The following TBC1D4 variants were observed in gnomAD, a reference collection of about 807,000 sequenced individuals.
The protein encoded by TBC1D4 is TBC (Tre-2, BUB2, CDC16) domain-containing protein.
Under a neutral mutation model 142.5 loss-of-function variants are expected in TBC1D4, and 121 were observed. The observed-to-expected ratio is 0.85, with a 90% CI of 0.73 to 0.99. TBC1D4 has a LOEUF of 0.99. TBC1D4 is among the 50% of genes least tolerant of loss of function. The pLI is 0.00. For missense variants in TBC1D4, 1,475 were observed against 1,606.6 expected (o/e 0.92, Z 1.40); for synonymous variants, 630 against 628.2 (o/e 1.00, Z -0.04).
intron 1 of TBC1D4, among the ~76,000 whole-genome samples, chr13:75,380,748 G>A (rs1240935024): frequency 6.6e-6 from 1 of 152,104 alleles, no homozygotes; most frequent in Non-Finnish European, 1.5e-5. Context: ...TCCTGACAAA[G>A]CTAGCCTAAT....
chr13:75,404,059 T>TATATACACACACACACACAC (rs781087838), intron 1 of TBC1D4, among the ~76,000 whole-genome samples: 20 of 73,650 alleles, frequency 2.7e-4, no homozygotes, highest in African/African-American at 1.5e-3. Flanking sequence ...GGGATATATA[T>TATATACACACACACACACAC]ACATACACAC....
Position 75,299,539 on chromosome 13 carries a change from G to A in TBC1D4, c.2947C>T (p.Gln983Ter). Residue 983 changes from glutamine to a stop codon, truncating the protein, a stop_gained, in exon 17 of 21, where the codon CAG (glutamine) becomes TAG (stop). Coordinates refer to ENST00000377636, the MANE Select transcript of TBC1D4 (RefSeq NM_014832.5). LOFTEE classifies it high-confidence loss of function. ...AGTGACAGCTGTCCTGGCCCAAGCT[G>A]TACTGAAAAGTAAGGGTGAGTAGGA... is the stretch of plus-strand genomic sequence containing the variant. ...TFPTHPYFSV[Q>*]LGPGQLSLFN... The A allele has an allele frequency of 1.2e-6, 2 of 1,614,174 alleles. No individual in the cohort carries two copies. The highest frequency in any genetic ancestry group is 1.7e-6 in the Non-Finnish European group (2 of 1,180,018).
rs193168325 is a variant in TBC1D4 at position 75,346,322 on chromosome 13, G to A, written c.1408+2848C>T. Among the ~76,000 whole-genome samples, 642 of 144,322 alleles carry A rather than the reference G, an allele frequency of 4.4e-3. 6 individuals carry two copies. Among genetic ancestry groups the A allele is most frequent in the African/African-American group, 0.015 (610 of 39,692 alleles). 94.7% of individuals were successfully genotyped at this position (144,322 alleles called of 152,430 possible). ...GACCCCCACCCCTTGACAGGCCCCCGGCATGTGATGTTCCCCTCCCTGTGT... is the reference window on the plus strand; with the variant it reads ...GACCCCCACCCCTTGACAGGCCCCCAGCATGTGATGTTCCCCTCCCTGTGT... On this transcript the variant is annotated intron_variant, in intron 5 of 20. Transcript: ENST00000377636.
intron 17 of TBC1D4, among the ~76,000 whole-genome samples, chr13:75,295,723 T>A (rs1163845168): frequency 6.6e-6 from 1 of 152,216 alleles, no homozygotes; most frequent in African/African-American, 2.4e-5. Context: ...CAGAAACTTT[T>A]AAACTCATAT....
chr13:75,466,329 G>T (rs1888164680), intron 1 of TBC1D4, among the ~76,000 whole-genome samples: 1 of 152,166 alleles, frequency 6.6e-6, no homozygotes, highest in African/African-American at 2.4e-5. Flanking sequence ...AGAAGGATGG[G>T]ATTTTCCTGC....
At chr13:75,361,981 T>TGGC (rs765801829) in intron 2 of TBC1D4, 45 bp downstream of exon 2, 3 of 1,609,998 alleles carry the variant, frequency 1.9e-6, no homozygotes, top group Non-Finnish European at 2.6e-6. Flanking sequence ...TACTTCCATC[T>TGGC]GGCACCTTTT....
chr13:75,414,170 G>A (rs990645845), intron 1 of TBC1D4, among the ~76,000 whole-genome samples: 1 of 152,204 alleles, frequency 6.6e-6, no homozygotes, highest in East Asian at 1.9e-4. Context: ...TCAGAGGGAG[G>A]GTGGTAGGCC....
intron 8 of TBC1D4, among the ~76,000 whole-genome samples, chr13:75,331,108 C>T (rs1156927747): frequency 6.6e-6 from 1 of 152,096 alleles, no homozygotes; most frequent in East Asian, 1.9e-4. Context: ...TATACTCTAC[C>T]ACTTCACACA....
intron 5 of TBC1D4, among the ~76,000 whole-genome samples, chr13:75,344,225 A>C (rs945606239): frequency 2.0e-5 from 3 of 152,188 alleles, no homozygotes; most frequent in Non-Finnish European, 4.4e-5. Flanking sequence ...GATTCACATG[A>C]TTGTTTTTGT....
intron 1 of TBC1D4, 70 bp downstream of exon 1, chr13:75,481,200 G>A: frequency 3.2e-6 from 2 of 633,012 alleles, no homozygotes; most frequent in Non-Finnish European, 5.3e-6. Flanking sequence ...TGGGGTCCCC[G>A]CCCCTCCCGC....
chr13:75,478,158 T>C (rs894797909), intron 1 of TBC1D4, among the ~76,000 whole-genome samples: 4 of 152,066 alleles, frequency 2.6e-5, no homozygotes, highest in African/African-American at 9.7e-5. Flanking sequence ...AATATGTGAG[T>C]AGATACTCTT....
At position 75,481,722 on chromosome 13, in the gene TBC1D4, G is replaced by T. The variant is rs745526512; in HGVS notation, c.46C>A (p.Leu16Met). The change falls in exon 1 of 21, where the codon CTG (leucine) becomes ATG (methionine). Residue 16 changes from leucine to methionine, a missense_variant. Leu to Met is a conservative substitution (Grantham distance 15, BLOSUM62 2). Coordinates refer to ENST00000377636, the MANE Select transcript of TBC1D4 (RefSeq NM_014832.5). ...GCTGAGACGCCCGGCTCGGGCTCCA[G>T]GGGGTGCGGGAACGGCTCATCCTGA... is the stretch of plus-strand genomic sequence containing the variant. The part of the protein sequence containing the change: ...CIQDEPFPHP[L>M]EPEPGVSAQP... The T allele has an allele frequency of 4.4e-6, 7 of 1,596,448 alleles. No individual in the cohort carries two copies. Among genetic ancestry groups the T allele is most frequent in the Non-Finnish European group, 6.0e-6 (7 of 1,173,758 alleles).
Position 75,299,574 on chromosome 13 carries a change from C to T in TBC1D4, c.2912G>A (p.Gly971Glu), listed in dbSNP as rs1566350765. Reference protein sequence around the residue: ...AQQHAILVDLGRTFPTHPYFS... With the variant: ...AQQHAILVDLERTFPTHPYFS... ...GTAAGGGTGAGTAGGAAACGTCCTT[C>T]CTGCAGAGGAAAAGAAGGAAAATAT... Residue 971 changes from glycine (G) to glutamate (E), a missense_variant and splice_region_variant, in exon 17 of 21, where the codon GGA becomes GAA. By Grantham distance (98) the Gly-to-Glu change is moderately conservative. This residue lies in a region of TBC1D4 where 1,227 missense variants were observed against 1,267.7 expected (regional missense o/e 0.97). Transcript: ENST00000377636. 1.2e-6 allele frequency: 2 copies of T among 1,614,050 alleles called. No homozygotes were observed. The highest frequency in any genetic ancestry group is 2.2e-5 in the East Asian group (1 of 44,884).
At chr13:75,367,426 A>T (rs1434332273) in intron 1 of TBC1D4, among the ~76,000 whole-genome samples, 2 of 152,168 alleles carry the variant, frequency 1.3e-5, no homozygotes, top group Admixed American at 6.5e-5. Context: ...ACAAAAAAGA[A>T]CTGTATCAAT....
At chr13:75,342,097 C>T (rs776411129) in intron 5 of TBC1D4, among the ~76,000 whole-genome samples, 4 of 151,784 alleles carry the variant, frequency 2.6e-5, no homozygotes, top group Non-Finnish European at 5.9e-5. Flanking sequence ...ACTCAGGAGG[C>T]GAGGCAGGAG....
chr13:75,402,671 ACAC>A (rs1885154987), intron 1 of TBC1D4, among the ~76,000 whole-genome samples: 1 of 150,196 alleles, frequency 6.7e-6, no homozygotes, highest in Non-Finnish European at 1.5e-5. Context: ...ACACACACAC[ACAC>A]ACACACACAC....
chr13:75,452,433 C>T lies in TBC1D4; in HGVS notation c.498+28837G>A, dbSNP rs114868574. ...AAACTGTGAGCCTATCTTTGTAAAA[C>T]TTGTCATATTGGTTGACAAAGCTAA... On this transcript the variant is annotated intron_variant, in intron 1 of 20. Coordinates refer to ENST00000377636, the MANE Select transcript of TBC1D4 (RefSeq NM_014832.5). 3.9e-3 allele frequency among the ~76,000 whole-genome samples: 597 copies of T among 152,254 alleles called. 6 individuals carry two copies. Among genetic ancestry groups the T allele is most frequent in the African/African-American group, 0.014 (573 of 41,542 alleles).
In TBC1D4 at chr13:75,362,607, C is replaced by A; in HGVS notation, c.499G>T (p.Val167Phe). Residue 167 changes from valine (V) to phenylalanine (F), a missense_variant and splice_region_variant, in exon 2 of 21, where the codon GTT becomes TTT. Physicochemically the swap from Val to Phe is conservative, Grantham distance 50. This residue lies in a region of TBC1D4 where 1,227 missense variants were observed against 1,267.7 expected (regional missense o/e 0.97). Transcript: ENST00000377636. The surrounding 1 kb of genome is among the most constrained non-coding windows in gnomAD (Gnocchi z 4.2). ...HVFRATDPSQ[V>F]PDVISSIRQL... ...CTTATGCTGCTAATAACATCAGGAA[C>A]CTGGGGGAAAAAATTAAAACCCTGA... 1.2e-6 allele frequency: 2 copies of A among 1,613,692 alleles called. No homozygotes were observed. Among genetic ancestry groups the A allele is most frequent in the Non-Finnish European group, 8.5e-7 (1 of 1,179,868 alleles).
intron 1 of TBC1D4, among the ~76,000 whole-genome samples, chr13:75,475,410 A>G (rs1027380276): frequency 2.6e-5 from 4 of 152,244 alleles, no homozygotes; most frequent in Non-Finnish European, 5.9e-5. Flanking sequence ...GTCTAAAGGA[A>G]AGGGGACTCT....
Sources: allele counts gnomAD v4.1 joint callset (sites outside exome capture counted in the v4.1 genomes callset), GRCh38; gene constraint gnomAD v4.1.1; regional missense constraint gnomAD v4.1.1; non-coding constraint Gnocchi (gnomAD v3.1); transcripts MANE v1.5; gene names NCBI Gene and HGNC (gene_info 2026-07-23, HGNC 2026-07-21).